Variants in ABCB5 observed in about 807,000 individuals in gnomAD.
ABCB5 encodes ATP binding cassette subfamily B member 5, also known as ATP-binding cassette sub-family B member 5.
Under a neutral mutation model 144.2 loss-of-function variants are expected in ABCB5, and 155 were observed. The ratio of observed to expected loss-of-function variants is 1.08; its 90% CI spans 0.94 to 1.23. ABCB5 has a LOEUF of 1.23. ABCB5 is among the 50% of genes most tolerant of loss of function. The pLI is 0.00. For missense variants in ABCB5, 1,830 were observed against 1,520.8 expected (o/e 1.20, Z -3.38); for synonymous variants, 610 against 528.6 (o/e 1.15, Z -2.11).
intron 20 of ABCB5, among the ~76,000 whole-genome samples, chr7:20,705,801 AGTT>A (rs1261601070): frequency 1.3e-5 from 2 of 151,172 alleles, no homozygotes; most frequent in Non-Finnish European, 2.9e-5. Flanking sequence ...AACCGTTCTA[AGTT>A]GTTTTTTTTT....
Position 20,648,090 on chromosome 7 carries a change from C to T in ABCB5, c.1206+12C>T. ...GACCATCTATCAAGGTAGGTTAAAA[C>T]AAATTACGCAATTGTGCAGTTTTCT... On this transcript the variant is annotated intron_variant, in intron 11 of 27. Coordinates refer to ENST00000404938, the MANE Select transcript of ABCB5 (RefSeq NM_001163941.2). 15 of 1,464,826 alleles carry T rather than the reference C, an allele frequency of 1.0e-5. No homozygotes were observed. The highest frequency in any genetic ancestry group is 1.4e-5 in the Non-Finnish European group (15 of 1,048,952). The allele number at this position is 1,464,826 out of a possible 1,614,324, so 90.7% of individuals were successfully genotyped here. A position where few individuals can be genotyped will look rare whatever the true frequency, so the allele number is the denominator to read the frequency against.
At chr7:20,644,794 A>G (rs1242601086) in intron 7 of ABCB5, among the ~76,000 whole-genome samples, 1 of 152,248 alleles carries the variant, frequency 6.6e-6, no homozygotes, top group Admixed American at 6.5e-5. Flanking sequence ...ATTTTCAGCA[A>G]TAAAACTATT....
chr7:20,692,361 C>T (rs573792712), intron 16 of ABCB5, among the ~76,000 whole-genome samples: 3 of 151,856 alleles, frequency 2.0e-5, no homozygotes, highest in South Asian at 2.1e-4. Context: ...AAAAAGAAAA[C>T]ACCTCAAATC....
At chr7:20,689,838 CAG>C (rs963499068) in intron 16 of ABCB5, among the ~76,000 whole-genome samples, 20 of 152,098 alleles carry the variant, frequency 1.3e-4, no homozygotes, top group African/African-American at 4.6e-4. Flanking sequence ...GAATTTGAAC[CAG>C]AGAGGCAATA....
chr7:20,665,724 A>AAGATAGACAGAT (rs1785155834), intron 14 of ABCB5, among the ~76,000 whole-genome samples: 2 of 134,504 alleles, frequency 1.5e-5, no homozygotes, highest in Non-Finnish European at 3.1e-5. Context: ...TAGAGATGGA[A>AAGATAGACAGAT]AGATAGATAG....
intron 26 of ABCB5, among the ~76,000 whole-genome samples, chr7:20,746,900 A>T (rs1413631082): frequency 6.6e-6 from 1 of 152,200 alleles, no homozygotes; most frequent in African/African-American, 2.4e-5. Context: ...GAGATAGTTA[A>T]ATTTAACAAC....
intron 14 of ABCB5, chr7:20,659,762 C>A: frequency 1.0e-6 from 1 of 985,454 alleles, no homozygotes; most frequent in South Asian, 4.7e-5. Context: ...TGCTTGAGTG[C>A]AACCTCTGCC....
intron 3 of ABCB5, 91 bp downstream of exon 3, chr7:20,626,702 C>T (rs1173965989): frequency 8.0e-6 from 8 of 1,006,050 alleles, no homozygotes; most frequent in Non-Finnish European, 1.1e-5. Context: ...AGATTGCATC[C>T]ACTATTTGTG....
intron 25 of ABCB5, 66 bp downstream of exon 25, chr7:20,743,140 G>A (rs1317977253): frequency 6.5e-7 from 1 of 1,535,890 alleles, no homozygotes; most frequent in Non-Finnish European, 8.9e-7. Flanking sequence ...ATTCACTAGG[G>A]CTTAAGCATC....
chr7:20,704,950 G>C (rs1415355002), intron 20 of ABCB5, 143 bp downstream of exon 20: 3 of 506,008 alleles, frequency 5.9e-6, no homozygotes, highest in Non-Finnish European at 1.0e-5. Context: ...CGGTTAACAG[G>C]TAACTCTCAG....
At chr7:20,658,038 T>A (rs1784867901) in intron 13 of ABCB5, among the ~76,000 whole-genome samples, 2 of 152,068 alleles carry the variant, frequency 1.3e-5, no homozygotes, top group Non-Finnish European at 2.9e-5. Context: ...GGAAAAAACG[T>A]TTTAGGGGAA....
intron 20 of ABCB5, among the ~76,000 whole-genome samples, chr7:20,707,077 T>C (rs968319984): frequency 2.6e-5 from 4 of 152,214 alleles, no homozygotes; most frequent in Non-Finnish European, 5.9e-5. Flanking sequence ...AAAGATGAGC[T>C]AGGAAATAAT....
chr7:20,650,552 T>C (rs1180845820), intron 12 of ABCB5, among the ~76,000 whole-genome samples: 1 of 149,172 alleles, frequency 6.7e-6, no homozygotes, highest in Non-Finnish European at 1.5e-5. Context: ...GTAGAAAACA[T>C]CTCCACTTTT....
At chr7:20,731,355 GAAA>G (rs869149519) in intron 23 of ABCB5, among the ~76,000 whole-genome samples, 3 of 127,854 alleles carry the variant, frequency 2.3e-5, no homozygotes, top group South Asian at 2.5e-4. Context: ...TCCAACTCAG[GAAA>G]AAAAAAAAAA....
intron 16 of ABCB5, among the ~76,000 whole-genome samples, chr7:20,689,698 C>G (rs1166521312): frequency 6.6e-6 from 1 of 152,184 alleles, no homozygotes; most frequent in Non-Finnish European, 1.5e-5. Context: ...CCTGCAGGAG[C>G]TTTCCCAGGG....
chr7:20,720,180 T>A (rs111403565), intron 20 of ABCB5, among the ~76,000 whole-genome samples: 1 of 152,266 alleles, frequency 6.6e-6, no homozygotes, highest in East Asian at 1.9e-4. Context: ...GATAGGTATA[T>A]GTCAAAGGAC....
chr7:20,669,227 G>A (rs1390324969), intron 14 of ABCB5, among the ~76,000 whole-genome samples: 21 of 144,322 alleles, frequency 1.5e-4, no homozygotes, highest in Non-Finnish European at 3.0e-4. Context: ...TGGGAGGTGT[G>A]CCCAGCGGCT....
intron 13 of ABCB5, among the ~76,000 whole-genome samples, chr7:20,654,818 T>G: frequency 6.6e-6 from 1 of 152,094 alleles, no homozygotes; most frequent in Admixed American, 6.5e-5. Flanking sequence ...TGAGATATAG[T>G]TAAAGTATTG....
Position 20,723,070 on chromosome 7 carries a change from T to A in ABCB5, c.2476T>A (p.Ser826Thr). 1.4e-5 allele frequency: 22 copies of A among 1,614,166 alleles called. No homozygotes were observed. Among genetic ancestry groups the A allele is most frequent in the Non-Finnish European group, 1.8e-5 (21 of 1,180,018 alleles). Reference protein sequence around the residue: ...LTQNATNMGLSVIISFIYGWE... With the variant: ...LTQNATNMGLTVIISFIYGWE... ...ACAAAATGCAACTAACATGGGACTT[T>A]CAGTTATCATTTCCTTTATATATGG... is the stretch of plus-strand genomic sequence containing the variant. The change falls in exon 21 of 28, where the codon TCA becomes ACA. Residue 826 changes from serine to threonine, a missense_variant. Transcript: ENST00000404938.
Sources: gnomAD v4.1 joint callset for allele counts (sites outside exome capture counted in the v4.1 genomes callset) on GRCh38, gnomAD v4.1.1 for gene constraint, MANE v1.5 for transcripts, NCBI Gene and HGNC (gene_info 2026-07-23, HGNC 2026-07-21) for gene names.